Variants in USH2A observed in about 807,000 individuals in gnomAD.
The protein encoded by USH2A is Usher syndrome 2A (autosomal recessive, mild).
In USH2A, 443 loss-of-function variants were observed where a neutral mutation model predicts 538.9. The observed-to-expected ratio is 0.82, with a 90% CI of 0.76 to 0.89. The LOEUF is 0.89. Ranked by LOEUF, USH2A falls within the 40% of genes least tolerant of loss-of-function variation. The pLI is 0.00. For synonymous variants in USH2A, 2,413 were observed against 2,273.5 expected (o/e 1.06, Z -1.75); for missense variants, 6,633 against 6,324.8 (o/e 1.05, Z -1.65).
intron 3 of USH2A, among the ~76,000 whole-genome samples, chr1:216,396,330 G>T (rs1016115096): frequency 6.6e-6 from 1 of 152,040 alleles, no homozygotes; most frequent in Non-Finnish European, 1.5e-5. Flanking sequence ...TTCTGATTCT[G>T]CTTGAAATTA....
chr1:216,381,445 T>A (rs943541563), intron 3 of USH2A, among the ~76,000 whole-genome samples: 3 of 152,054 alleles, frequency 2.0e-5, no homozygotes, highest in Non-Finnish European at 4.4e-5. Context: ...AAGGAGGTAA[T>A]CACATTTACA....
chr1:215,799,844 G>T (rs9628703), intron 49 of USH2A, among the ~76,000 whole-genome samples: 22,267 of 151,970 alleles, frequency 0.15, 1,670 homozygotes, highest in South Asian at 0.23. Context: ...AAATTATCCA[G>T]GCTTGGTGGT....
intron 27 of USH2A, among the ~76,000 whole-genome samples, chr1:216,075,847 G>T (rs532849277): frequency 1.7e-4 from 17 of 99,798 alleles, no homozygotes; most frequent in Admixed American, 1.5e-3. Context: ...AGATTGCAAC[G>T]TTAGTAGATT....
intron 32 of USH2A, among the ~76,000 whole-genome samples, chr1:216,012,583 CCA>C (rs1668602302): frequency 6.6e-6 from 1 of 152,078 alleles, no homozygotes; most frequent in Non-Finnish European, 1.5e-5. Flanking sequence ...CCTTTATTAG[CCA>C]AATCAGCCAA....
chr1:216,152,132 C>T (rs1441308357), intron 21 of USH2A, among the ~76,000 whole-genome samples: 2 of 152,050 alleles, frequency 1.3e-5, no homozygotes, highest in Admixed American at 6.6e-5. Flanking sequence ...CTCTCCATAC[C>T]ACCCCCCAAA....
At chr1:216,286,191 C>T (rs556474014) in intron 11 of USH2A, among the ~76,000 whole-genome samples, 1 of 152,252 alleles carries the variant, frequency 6.6e-6, no homozygotes, top group African/African-American at 2.4e-5. Flanking sequence ...TTCCCATAAT[C>T]CCCATGTGTT....
At chr1:216,005,108 T>A (rs1388595980) in intron 32 of USH2A, among the ~76,000 whole-genome samples, 1 of 152,174 alleles carries the variant, frequency 6.6e-6, no homozygotes, top group Non-Finnish European at 1.5e-5. Context: ...ACATTCTCCC[T>A]ATTTTTTTCA....
intron 21 of USH2A, among the ~76,000 whole-genome samples, chr1:216,120,569 C>T (rs1456474146): frequency 1.3e-5 from 2 of 150,668 alleles, no homozygotes; most frequent in South Asian, 2.2e-4. Context: ...TTAGCAGAGA[C>T]GGGGTTTCAC....
intron 64 of USH2A, among the ~76,000 whole-genome samples, chr1:215,668,613 G>A (rs987184899): frequency 6.6e-6 from 1 of 152,190 alleles, no homozygotes; most frequent in African/African-American, 2.4e-5. Context: ...AAACCACACA[G>A]CCTAAGGTTC....
At chr1:216,050,600 CTT>C (rs1558231859) in intron 30 of USH2A, among the ~76,000 whole-genome samples, 1 of 47,564 alleles carries the variant, frequency 2.1e-5, no homozygotes, top group African/African-American at 6.0e-5. Flanking sequence ...TTCTTTCTTT[CTT>C]TCTTTTTTTT....
chr1:216,259,593 A>T (rs2036327582), intron 11 of USH2A, among the ~76,000 whole-genome samples: 1 of 152,146 alleles, frequency 6.6e-6, no homozygotes, highest in South Asian at 2.1e-4. Flanking sequence ...GCATTCAAAG[A>T]TTAATAAAAT....
intron 61 of USH2A, among the ~76,000 whole-genome samples, chr1:215,726,423 T>C (rs1000093530): frequency 2.0e-5 from 3 of 152,170 alleles, no homozygotes; most frequent in Admixed American, 6.5e-5. Context: ...ATATTGCTTA[T>C]TTTTTAGTCA....
At chr1:215,906,990 C>A (rs1451453526) in intron 38 of USH2A, among the ~76,000 whole-genome samples, 2 of 151,814 alleles carry the variant, frequency 1.3e-5, no homozygotes, top group African/African-American at 2.4e-5. Flanking sequence ...AGACAGGTGA[C>A]CCCAGGTCTC....
intron 9 of USH2A, among the ~76,000 whole-genome samples, chr1:216,300,596 A>G (rs1203730499): frequency 6.6e-6 from 1 of 152,214 alleles, no homozygotes; most frequent in Non-Finnish European, 1.5e-5. Context: ...TTCTAATAAT[A>G]CACAATGACA....
chr1:216,162,665 A>G (rs1300420814), intron 21 of USH2A, among the ~76,000 whole-genome samples: 1 of 152,118 alleles, frequency 6.6e-6, no homozygotes, highest in Non-Finnish European at 1.5e-5. Context: ...TTCCTAAAGA[A>G]TAGCCCTTAT....
chr1:215,673,127 G>T (rs1238195701), intron 63 of USH2A, among the ~76,000 whole-genome samples: 1 of 152,156 alleles, frequency 6.6e-6, no homozygotes, highest in African/African-American at 2.4e-5. Flanking sequence ...TGGATTAGCT[G>T]CAGAGGATAC....
At chr1:216,222,415 C>T (rs1347659247) in intron 14 of USH2A, among the ~76,000 whole-genome samples, 1 of 152,194 alleles carries the variant, frequency 6.6e-6, no homozygotes, top group Non-Finnish European at 1.5e-5. Context: ...TAGAGCAGGT[C>T]ATATTATGCC....
At chr1:216,370,277 C>T (rs1349910681) in intron 3 of USH2A, among the ~76,000 whole-genome samples, 2 of 151,672 alleles carry the variant, frequency 1.3e-5, no homozygotes, top group Non-Finnish European at 2.9e-5. Flanking sequence ...AGGATAATTA[C>T]TTGAACCGGG....
At chr1:216,214,263 T>G (rs1452628370) in intron 15 of USH2A, among the ~76,000 whole-genome samples, 1 of 152,056 alleles carries the variant, frequency 6.6e-6, no homozygotes, top group South Asian at 2.1e-4. Flanking sequence ...GGATGCATTA[T>G]TCATAGTAGA....
Sources: gnomAD v4.1 joint callset for allele counts (sites outside exome capture counted in the v4.1 genomes callset) on GRCh38, gnomAD v4.1.1 for gene constraint, MANE v1.5 for transcripts, NCBI Gene and HGNC (gene_info 2026-07-23, HGNC 2026-07-21) for gene names.